MALRD1: variants seen among roughly 807,000 people sequenced by gnomAD.
MALRD1 encodes MAM and LDL-receptor class A domain-containing protein 1.
A neutral mutation model predicts 242.1 loss-of-function variants in MALRD1; 247 were observed. The observed-to-expected ratio is 1.02, with a 90% CI of 0.92 to 1.13. MALRD1 has a LOEUF of 1.13. Ranked by LOEUF, MALRD1 falls within the 50% of genes most tolerant of loss-of-function variation. The pLI is 0.00. For missense variants in MALRD1, 2,989 were observed against 2,533.1 expected (o/e 1.18, Z -3.86); for synonymous variants, 995 against 866.6 (o/e 1.15, Z -2.60).
intron 9 of MALRD1, 29 bp from the exon 10 acceptor site, chr10:19,136,545 C>G: frequency 8.4e-7 from 1 of 1,183,598 alleles, no homozygotes; most frequent in Non-Finnish European, 1.1e-6. Context: ...AGATTGCAAA[C>G]TCATAAATTA....
intron 26 of MALRD1, among the ~76,000 whole-genome samples, chr10:19,366,029 G>A (rs1845093905): frequency 1.3e-5 from 2 of 152,000 alleles, no homozygotes; most frequent in African/African-American, 4.8e-5. Context: ...ACCAGGGACC[G>A]GTTTCATGGA....
chr10:19,187,698 C>T (rs1420076306), intron 14 of MALRD1, among the ~76,000 whole-genome samples: 1 of 152,158 alleles, frequency 6.6e-6, no homozygotes, highest in East Asian at 1.9e-4. Context: ...GAATCCTAAG[C>T]AAATTAACAG....
chr10:19,665,706 T>A (rs1474803301), intron 36 of MALRD1, among the ~76,000 whole-genome samples: 1 of 152,090 alleles, frequency 6.6e-6, no homozygotes, highest in Non-Finnish European at 1.5e-5. Context: ...CTCTATGCTT[T>A]TGCTCTCAAA....
At chr10:19,495,929 A>G (rs1054211212) in intron 30 of MALRD1, among the ~76,000 whole-genome samples, 2 of 152,220 alleles carry the variant, frequency 1.3e-5, no homozygotes, top group African/African-American at 2.4e-5. Flanking sequence ...TGCAAACCTC[A>G]TTTCAGACAA....
rs1370058063 is a variant in MALRD1, at chr10:19,334,131, T to TTG, written c.3901+2550_3901+2551insGT. Among the ~76,000 whole-genome samples the TTG allele has an allele frequency of 1.4e-3, 208 of 147,732 alleles. 2 individuals are homozygous for TTG. The highest frequency in any genetic ancestry group is 4.9e-3 in the African/African-American group (197 of 40,192). On this transcript the variant is annotated intron_variant, in intron 24 of 39. Transcript: ENST00000454679. ...ACTCTGTTGGTAGGTTTTTTTTTTT[T>TTG]TTTTTTTTTTTCTGTGCAGAGCTCT...
At chr10:19,146,375 GT>G in intron 11 of MALRD1, 31 bp downstream of exon 11, 1 of 1,218,018 alleles carries the variant, frequency 8.2e-7, no homozygotes, top group Non-Finnish European at 1.0e-6. Flanking sequence ...AAAAAAAATA[GT>G]TTTCTTTCTT....
intron 36 of MALRD1, among the ~76,000 whole-genome samples, chr10:19,670,542 A>T (rs1841869650): frequency 6.6e-6 from 1 of 152,168 alleles, no homozygotes; most frequent in Non-Finnish European, 1.5e-5. Flanking sequence ...AACACAAAAC[A>T]ACCCTCACTT....
chr10:19,428,347 G>C (rs975341675), intron 28 of MALRD1, among the ~76,000 whole-genome samples: 4 of 152,016 alleles, frequency 2.6e-5, no homozygotes, highest in African/African-American at 7.2e-5. Flanking sequence ...CTTCAGAAAA[G>C]TCTTCTTCAC....
intron 33 of MALRD1, among the ~76,000 whole-genome samples, chr10:19,569,413 AT>A (rs1177002327): frequency 6.6e-6 from 1 of 151,234 alleles, no homozygotes; most frequent in Non-Finnish European, 1.5e-5. Flanking sequence ...TAATTTTCTC[AT>A]TTTCACCTCC....
intron 38 of MALRD1, chr10:19,722,156 GA>G (rs2131910094): frequency 6.6e-6 from 1 of 152,290 alleles, no homozygotes; most frequent in Admixed American, 6.5e-5. Context: ...GAGAGATGAG[GA>G]AACCAGACAT....
At chr10:19,522,003 A>G (rs1711914308) in intron 31 of MALRD1, among the ~76,000 whole-genome samples, 2 of 151,884 alleles carry the variant, frequency 1.3e-5, no homozygotes, top group South Asian at 4.2e-4. Context: ...ATCCATACTC[A>G]CTTCTGGGCT....
chr10:19,246,886 T>C (rs1054397915), intron 18 of MALRD1, among the ~76,000 whole-genome samples: 3 of 152,106 alleles, frequency 2.0e-5, no homozygotes, highest in Non-Finnish European at 4.4e-5. Flanking sequence ...CAGTTTGATA[T>C]AAAGGGATGC....
At chr10:19,438,735 G>A (rs1182220829) in intron 28 of MALRD1, among the ~76,000 whole-genome samples, 1 of 152,258 alleles carries the variant, frequency 6.6e-6, no homozygotes, top group Admixed American at 6.5e-5. Flanking sequence ...GTTTACTTTA[G>A]TGTTCATACA....
intron 11 of MALRD1, among the ~76,000 whole-genome samples, chr10:19,154,405 C>T (rs900014046): frequency 2.0e-5 from 3 of 152,126 alleles, no homozygotes; most frequent in Non-Finnish European, 2.9e-5. Flanking sequence ...TATCAAAGGG[C>T]AGTATCAGAC....
intron 36 of MALRD1, among the ~76,000 whole-genome samples, chr10:19,679,580 T>C (rs1464147583): frequency 6.6e-6 from 1 of 151,458 alleles, no homozygotes; most frequent in Non-Finnish European, 1.5e-5. Context: ...AGTGGTCTAT[T>C]TTATTATTTT....
At chr10:19,114,948 A>T (rs1296467651) in intron 5 of MALRD1, among the ~76,000 whole-genome samples, 2 of 152,148 alleles carry the variant, frequency 1.3e-5, no homozygotes, top group Non-Finnish European at 2.9e-5. Context: ...CACCAGCCAT[A>T]TTGGATTAGG....
chr10:19,574,824 A>G (rs1836728731), intron 33 of MALRD1, among the ~76,000 whole-genome samples: 1 of 152,208 alleles, frequency 6.6e-6, no homozygotes, highest in Admixed American at 6.5e-5. Flanking sequence ...GAAAGTTCAG[A>G]GAGAATGAGG....
At chr10:19,312,400 A>ATATATGTG (rs1491220851) in intron 21 of MALRD1, among the ~76,000 whole-genome samples, 45 of 143,628 alleles carry the variant, frequency 3.1e-4, no homozygotes, top group African/African-American at 4.9e-4. Flanking sequence ...ATATATATAT[A>ATATATGTG]TGTGTATATG....
At chr10:19,391,358 G>T (rs1846328960) in intron 28 of MALRD1, among the ~76,000 whole-genome samples, 1 of 151,024 alleles carries the variant, frequency 6.6e-6, no homozygotes, top group Non-Finnish European at 1.5e-5. Context: ...TTTCATCTTG[G>T]TGATTAATAA....
Sources: allele counts gnomAD v4.1 joint callset (sites outside exome capture counted in the v4.1 genomes callset), GRCh38; gene constraint gnomAD v4.1.1; transcripts MANE v1.5; gene names NCBI Gene and HGNC (gene_info 2026-07-23, HGNC 2026-07-21).